Variants in FILIP1 observed in about 807,000 individuals in gnomAD.
FILIP1 encodes filamin A interacting protein 1, also known as filamin-A-interacting protein 1.
FILIP1 carries 61 observed loss-of-function variants against 102.1 expected under a neutral mutation model. The ratio of observed to expected loss-of-function variants is 0.60; its 90% CI spans 0.49 to 0.74. The LOEUF (loss-of-function observed/expected upper bound fraction) is 0.74. FILIP1 is among the 30% of genes least tolerant of loss of function. The probability of loss-of-function intolerance (pLI) is 0.00; values close to 1 mark genes in which losing one functional copy is unlikely to be tolerated. For missense variants in FILIP1, 1,314 were observed against 1,441.2 expected, an observed-to-expected ratio of 0.91 and a Z score of 1.43; for synonymous variants, 491 against 526.9, an observed-to-expected ratio of 0.93 and a Z score of 0.93.
chr6:75,389,647 A>G (rs1257376117), intron 2 of FILIP1, among the ~76,000 whole-genome samples: 2 of 152,150 alleles, frequency 1.3e-5, no homozygotes, highest in Non-Finnish European at 2.9e-5. Context: ...TAGATTTTCT[A>G]GTTTATTTGC....
At chr6:75,365,374 T>A (rs1775294990) in intron 2 of FILIP1, among the ~76,000 whole-genome samples, 2 of 152,054 alleles carry the variant, frequency 1.3e-5, no homozygotes, top group Non-Finnish European at 2.9e-5. Flanking sequence ...GTTTTTTGTT[T>A]TTGTTTTTGT....
At chr6:75,398,656 C>G (rs1260588526) in intron 2 of FILIP1, among the ~76,000 whole-genome samples, 2 of 152,160 alleles carry the variant, frequency 1.3e-5, no homozygotes, top group African/African-American at 4.8e-5. Context: ...TAAACAATGT[C>G]AAGATGCTAA....
intron 4 of FILIP1, among the ~76,000 whole-genome samples, chr6:75,321,223 GTTTTGTTTTGTT>G (rs1309202812): frequency 2.0e-5 from 3 of 151,492 alleles, no homozygotes; most frequent in Admixed American, 1.3e-4. Flanking sequence ...TCGTTTTTTT[GTTTTGTTTTGTT>G]TTTTGTTTTG....
At chr6:75,324,645 G>A (rs893939457) in intron 4 of FILIP1, among the ~76,000 whole-genome samples, 19 of 152,006 alleles carry the variant, frequency 1.2e-4, no homozygotes, top group Non-Finnish European at 2.4e-4. Context: ...AACACTAAGC[G>A]AAAAAACAAA....
At chr6:75,416,772 A>G (rs1225642712) in intron 1 of FILIP1, among the ~76,000 whole-genome samples, 1 of 152,136 alleles carries the variant, frequency 6.6e-6, no homozygotes. Flanking sequence ...CTTTGAGATG[A>G]CATACCAAAT....
chr6:75,400,684 C>G, intron 2 of FILIP1, among the ~76,000 whole-genome samples: 1 of 152,064 alleles, frequency 6.6e-6, no homozygotes, highest in Non-Finnish European at 1.5e-5. Flanking sequence ...TTCCAGGCCC[C>G]CCAACAGTCT....
At chr6:75,326,382 A>C (rs530625946) in intron 4 of FILIP1, among the ~76,000 whole-genome samples, 3 of 152,276 alleles carry the variant, frequency 2.0e-5, no homozygotes, top group African/African-American at 4.8e-5. Context: ...AAAAGACTAC[A>C]CATTGAGTTC....
At chr6:75,326,166 C>T (rs947329745) in intron 4 of FILIP1, among the ~76,000 whole-genome samples, 26 of 151,550 alleles carry the variant, frequency 1.7e-4, no homozygotes, top group Admixed American at 2.0e-4. Context: ...TACTACTCAG[C>T]CATAAAAAGG....
intron 1 of FILIP1, 54 bp downstream of exon 1, chr6:75,493,360 T>C (rs762599282): frequency 1.3e-5 from 2 of 152,240 alleles, no homozygotes; most frequent in Admixed American, 6.5e-5. Flanking sequence ...AACTCTCTTC[T>C]TGTGGAAACA....
chr6:75,437,051 TC>T (rs1207988663), intron 1 of FILIP1, among the ~76,000 whole-genome samples: 1 of 152,094 alleles, frequency 6.6e-6, no homozygotes, highest in African/African-American at 2.4e-5. Context: ...CTCTCACTTT[TC>T]CATGCAGACG....
At chr6:75,340,938 A>C (rs1774402125) in intron 4 of FILIP1, among the ~76,000 whole-genome samples, 1 of 145,200 alleles carries the variant, frequency 6.9e-6, no homozygotes, top group Non-Finnish European at 1.5e-5. Flanking sequence ...TCCTGACCTC[A>C]AGTGATCCAT....
intron 1 of FILIP1, among the ~76,000 whole-genome samples, chr6:75,488,316 A>G (rs1779854396): frequency 6.6e-6 from 1 of 152,100 alleles, no homozygotes; most frequent in Admixed American, 6.6e-5. Context: ...TCCTTATTCT[A>G]AATTCTTCCA....
At position 75,423,126 on chromosome 6, in the gene FILIP1, CA is replaced by C. The variant is rs1242495601; in HGVS notation, c.-6-8149del. ...ACAATGACCAATTGAGAGCAATTATCAAAGCTGATTCTTTTACAACTACACT... is the reference window on the plus strand; with the variant it reads ...ACAATGACCAATTGAGAGCAATTATCAAGCTGATTCTTTTACAACTACACT... On this transcript the variant is annotated intron_variant, in intron 1 of 5. Coordinates refer to ENST00000237172, the MANE Select transcript of FILIP1 (RefSeq NM_015687.5). 3.9e-5 allele frequency among the ~76,000 whole-genome samples: 6 copies of C among 152,230 alleles called. No homozygotes were observed. The South Asian group carries it at 1.2e-3, about 32-fold the overall frequency.
chr6:75,379,424 CAGAG>C (rs768290230), intron 2 of FILIP1, among the ~76,000 whole-genome samples: 2 of 151,992 alleles, frequency 1.3e-5, no homozygotes, highest in Non-Finnish European at 2.9e-5. Context: ...CAGAAAAAGA[CAGAG>C]AGAGAGAGGT....
intron 6 of FILIP1, among the ~76,000 whole-genome samples, chr6:75,299,061 A>G (rs1772764102): frequency 6.6e-6 from 1 of 151,606 alleles, no homozygotes; most frequent in Admixed American, 6.6e-5. Flanking sequence ...GATTAATGCC[A>G]TTATTTGTGT....
chr6:75,295,598 C>CA (rs34332368), exon 7 of FILIP1: 11,925 of 210,812 alleles, frequency 0.057, 433 homozygotes, highest in Non-Finnish European at 0.075. Context: ...AACACTTTAG[C>CA]AAAAAAAATC....
chr6:75,321,477 G>A (rs1213169320), intron 4 of FILIP1, among the ~76,000 whole-genome samples: 1 of 152,194 alleles, frequency 6.6e-6, no homozygotes, highest in African/African-American at 2.4e-5. Context: ...CCATAATGGA[G>A]GTGATATTTC....
chr6:75,350,272 TG>T (rs1380476689), intron 4 of FILIP1, among the ~76,000 whole-genome samples: 1 of 151,932 alleles, frequency 6.6e-6, no homozygotes. Flanking sequence ...AAACATAAAG[TG>T]GTGTGAAAAT....
At chr6:75,416,586 C>CA (rs35413915) in intron 1 of FILIP1, among the ~76,000 whole-genome samples, 137 of 130,602 alleles carry the variant, frequency 1.0e-3, no homozygotes, top group South Asian at 6.7e-3. Context: ...AGCCCCAATC[C>CA]AAAAAAAAAA....
Sources: allele counts gnomAD v4.1 joint callset (sites outside exome capture counted in the v4.1 genomes callset), GRCh38; gene constraint gnomAD v4.1.1; transcripts MANE v1.5; gene names NCBI Gene and HGNC (gene_info 2026-07-23, HGNC 2026-07-21).